AGAP1: variants seen among roughly 807,000 people sequenced by gnomAD.
AGAP1 encodes the protein ArfGAP with GTPase domain, ankyrin repeat and PH domain 1.
A neutral mutation model predicts 105.3 loss-of-function variants in AGAP1; 29 were observed. That is an observed-to-expected ratio of 0.28 (90% CI 0.21 to 0.38). The LOEUF is 0.38. Among genes scored for constraint, AGAP1 ranks in the 10% least tolerant of loss-of-function variants. AGAP1 has a pLI of 1.00. For missense variants in AGAP1, 998 were observed against 1,165.1 expected, an observed-to-expected ratio of 0.86 and a Z score of 2.09; for synonymous variants, 509 against 485.9, an observed-to-expected ratio of 1.05 and a Z score of -0.63.
intron 6 of AGAP1, among the ~76,000 whole-genome samples, chr2:235,757,453 C>T (rs943977175): frequency 2.6e-5 from 4 of 152,186 alleles, no homozygotes; most frequent in African/African-American, 7.2e-5. Flanking sequence ...TCTGTTCACA[C>T]GCTGTGTACA....
intron 1 of AGAP1, among the ~76,000 whole-genome samples, chr2:235,561,443 A>G (rs1944148360): frequency 6.6e-6 from 1 of 152,144 alleles, no homozygotes; most frequent in Admixed American, 6.5e-5. Flanking sequence ...TCGTTGGTTC[A>G]GGTGTGTAAT....
chr2:235,520,326 T>C (rs1327439920), intron 1 of AGAP1, among the ~76,000 whole-genome samples: 1 of 152,228 alleles, frequency 6.6e-6, no homozygotes, highest in Non-Finnish European at 1.5e-5. Context: ...GTGTGCACGT[T>C]GCAGTTGGTG....
chr2:235,562,996 G>A (rs1442098189), intron 1 of AGAP1, among the ~76,000 whole-genome samples: 2 of 152,126 alleles, frequency 1.3e-5, no homozygotes, highest in Admixed American at 6.5e-5. Context: ...GGAAGTCAAG[G>A]TTGCAGTGAG....
chr2:235,917,725 T>C (rs2051966723), intron 11 of AGAP1, among the ~76,000 whole-genome samples: 1 of 152,126 alleles, frequency 6.6e-6, no homozygotes, highest in African/African-American at 2.4e-5. Context: ...TTAGGAACAG[T>C]GACAAAGGTT....
intron 16 of AGAP1, among the ~76,000 whole-genome samples, chr2:236,066,048 C>T (rs1192575736): frequency 6.6e-6 from 1 of 152,166 alleles, no homozygotes; most frequent in Non-Finnish European, 1.5e-5. Flanking sequence ...TAATGGCTTG[C>T]CCATGTGTCC....
chr2:235,509,799 A>C lies in AGAP1; in HGVS notation c.163+14950A>C, dbSNP rs551902489. 2.8e-3 allele frequency among the ~76,000 whole-genome samples: 429 copies of C among 152,204 alleles called. 4 individuals carry two copies. The highest frequency in any genetic ancestry group is 1.0e-2 in the African/African-American group (415 of 41,522). On this transcript the variant is annotated intron_variant, in intron 1 of 17. Transcript: ENST00000304032. ...GGGGTCCCCAGCCTCTGGGCCATGGACCAGTACTGGGCCTATTAGGAACCA... is the reference window on the plus strand; with the variant it reads ...GGGGTCCCCAGCCTCTGGGCCATGGCCCAGTACTGGGCCTATTAGGAACCA...
intron 1 of AGAP1, among the ~76,000 whole-genome samples, chr2:235,618,972 G>T (rs1946390727): frequency 6.8e-6 from 1 of 148,136 alleles, no homozygotes; most frequent in Admixed American, 6.9e-5. Context: ...TTTTGGGTCA[G>T]AGTCACAGAA....
chr2:235,591,517 T>C (rs1219109403), intron 1 of AGAP1, among the ~76,000 whole-genome samples: 1 of 152,186 alleles, frequency 6.6e-6, no homozygotes, highest in Non-Finnish European at 1.5e-5. Context: ...GAGGCAAATG[T>C]GCCCCAGGCT....
At chr2:235,657,787 G>A (rs1374217583) in intron 1 of AGAP1, among the ~76,000 whole-genome samples, 2 of 152,148 alleles carry the variant, frequency 1.3e-5, no homozygotes, top group African/African-American at 2.4e-5. Flanking sequence ...CTCATAATGC[G>A]ATTCTATTTG....
intron 13 of AGAP1, among the ~76,000 whole-genome samples, chr2:236,013,917 C>A (rs1005828313): frequency 2.0e-5 from 3 of 152,072 alleles, no homozygotes; most frequent in Non-Finnish European, 4.4e-5. Context: ...CGATGTCTTC[C>A]CTGCCACAGA....
chr2:235,552,547 C>A lies in AGAP1; in HGVS notation c.163+57698C>A, dbSNP rs1002607228. Among the ~76,000 whole-genome samples the A allele has an allele frequency of 6.6e-6, 1 of 152,136 alleles. No homozygotes were observed. Among genetic ancestry groups the A allele is most frequent in the Admixed American group, 6.5e-5 (1 of 15,276 alleles). Reference sequence around the variant, plus strand: ...TCATTCACACCTGGATTCAGTTGCCCTCATGAGCTCACCCGCAATGTGTGT... The same window carrying A: ...TCATTCACACCTGGATTCAGTTGCCATCATGAGCTCACCCGCAATGTGTGT... On this transcript the variant is annotated intron_variant, in intron 1 of 17. Coordinates refer to ENST00000304032, the MANE Select transcript of AGAP1 (RefSeq NM_001037131.3). This position sits in a 1 kb window ranked among gnomAD's most constrained non-coding sequence, Gnocchi z 5.9.
Position 236,078,155 on chromosome 2 carries a change from G to GGGGTGTGTGT in AGAP1, c.2114+28875_2114+28876insGGTGTGTGTG, listed in dbSNP as rs2058692010. Among the ~76,000 whole-genome samples, 1 of 146,382 alleles carries GGGGTGTGTGT rather than the reference G, an allele frequency of 6.8e-6. No individual in the cohort carries two copies. Among genetic ancestry groups the GGGGTGTGTGT allele is most frequent in the African/African-American group, 2.5e-5 (1 of 39,858 alleles). ...AAGTGTGTAGGGCAGGCCAGCCGGG[G>GGGGTGTGTGT]GTGTGTGTGTGTGTGTGTGTATATG... On this transcript the variant is annotated intron_variant, in intron 16 of 17. Coordinates refer to ENST00000304032, the MANE Select transcript of AGAP1 (RefSeq NM_001037131.3). The surrounding 1 kb of genome is among the most constrained non-coding windows in gnomAD (Gnocchi z 5.3).
intron 9 of AGAP1, among the ~76,000 whole-genome samples, chr2:235,818,682 A>G (rs888888636): frequency 9.2e-5 from 14 of 152,246 alleles, no homozygotes; most frequent in African/African-American, 2.6e-4. Flanking sequence ...ACCTCAAGCA[A>G]TTCTCCTGCC....
At chr2:235,502,698 G>C (rs1307183325) in intron 1 of AGAP1, among the ~76,000 whole-genome samples, 1 of 100,580 alleles carries the variant, frequency 9.9e-6, no homozygotes, top group South Asian at 3.2e-4. Context: ...CTTTTTATTT[G>C]CCTTTTTTTT....
intron 1 of AGAP1, among the ~76,000 whole-genome samples, chr2:235,542,226 G>A (rs1227661096): frequency 6.6e-6 from 1 of 152,044 alleles, no homozygotes; most frequent in African/African-American, 2.4e-5. Flanking sequence ...CCGGGGGGGG[G>A]CCAGTTGTCA....
rs180985928 is a variant in AGAP1 at position 235,503,835 on chromosome 2, A to G, written c.163+8986A>G. Among the ~76,000 whole-genome samples the G allele has an allele frequency of 1.2e-3, 178 of 152,258 alleles. 3 individuals carry two copies. Among genetic ancestry groups the G allele is most frequent in the Non-Finnish European group, 1.2e-3 (82 of 68,034 alleles). On this transcript the variant is annotated intron_variant, in intron 1 of 17. Transcript: ENST00000304032. The stretch of plus-strand genomic sequence containing the variant: ...GGTCTTGACATTCTGGACTCAAGCA[A>G]TCCACCTGCCTCAGCCTCCCAGAGT...
At chr2:235,749,689 C>G (rs756508579) in intron 5 of AGAP1, among the ~76,000 whole-genome samples, 3 of 152,188 alleles carry the variant, frequency 2.0e-5, no homozygotes, top group Non-Finnish European at 4.4e-5. Context: ...GGTTCCCTGA[C>G]CTCTTGCTCT....
intron 1 of AGAP1, among the ~76,000 whole-genome samples, chr2:235,629,863 C>CAAAAAA (rs10691632): frequency 5.8e-4 from 55 of 94,984 alleles, no homozygotes; most frequent in Non-Finnish European, 7.4e-4. Context: ...GACCCTGTCT[C>CAAAAAA]AAAAAAAAAA....
chr2:235,847,393 C>T (rs1371695166), intron 9 of AGAP1, among the ~76,000 whole-genome samples: 1 of 152,088 alleles, frequency 6.6e-6, no homozygotes, highest in African/African-American at 2.4e-5. Context: ...AAATGATTCA[C>T]AATGAAAATG....
Sources: allele counts gnomAD v4.1 joint callset (sites outside exome capture counted in the v4.1 genomes callset), GRCh38; gene constraint gnomAD v4.1.1; non-coding constraint Gnocchi (gnomAD v3.1); transcripts MANE v1.5; gene names NCBI Gene and HGNC (gene_info 2026-07-23, HGNC 2026-07-21).